Variants in CDKN2B-AS1 observed in about 807,000 individuals in gnomAD.
The protein encoded by CDKN2B-AS1 is CDKN2B and CDKN2A antisense cis and trans regulatory RNA 1, also known as CDKN2B antisense RNA 1 (non-protein coding).
chr9:22,117,130 T>C (rs72654258), intron 4 of CDKN2B-AS1, among the ~76,000 whole-genome samples: 1 of 152,230 alleles, frequency 6.6e-6, no homozygotes, highest in Non-Finnish European at 1.5e-5. Context: ...TTGGAAAATG[T>C]CTTGGGTGTT....
intron 4 of CDKN2B-AS1, among the ~76,000 whole-genome samples, chr9:22,098,301 A>G (rs1825358816): frequency 6.6e-6 from 1 of 151,542 alleles, no homozygotes; most frequent in African/African-American, 2.4e-5. Context: ...TATATATAGT[A>G]AAAAAGAGGG....
At chr9:21,998,238 T>C (rs963260917) in intron 1 of CDKN2B-AS1, among the ~76,000 whole-genome samples, 1 of 152,232 alleles carries the variant, frequency 6.6e-6, no homozygotes, top group African/African-American at 2.4e-5. Flanking sequence ...AATGGGTATG[T>C]GGTATTCCAA....
At position 22,060,964 on chromosome 9, in the gene CDKN2B-AS1, G is replaced by A. The variant is rs950929813; in HGVS notation, n.438+4577G>A. Among the ~76,000 whole-genome samples the A allele has an allele frequency of 3.9e-5, 6 of 152,108 alleles. No homozygotes were observed. The South Asian group carries it at 1.0e-3, about 26-fold the overall frequency. On this transcript the variant is annotated intron_variant and non_coding_transcript_variant, in intron 4 of 4. Coordinates refer to ENST00000650946, the Ensembl canonical transcript of CDKN2B-AS1. The stretch of plus-strand genomic sequence containing the variant: ...CCTCCCACAAAATGTGGGAATTCTG[G>A]GAGATACAATTCAAGTTGAGATTTG...
At chr9:22,029,391 G>T in intron 1 of CDKN2B-AS1, 1 of 778,712 alleles carries the variant, frequency 1.3e-6, no homozygotes, top group South Asian at 1.3e-5. Context: ...TAATCACATA[G>T]AGACTTGTCT....
chr9:22,035,832 T>C (rs1358969935), intron 1 of CDKN2B-AS1, among the ~76,000 whole-genome samples: 1 of 152,158 alleles, frequency 6.6e-6, no homozygotes. Context: ...GAAGAGGCCA[T>C]GATCACATCT....
rs187780547 is a variant in CDKN2B-AS1, at chr9:22,043,329, G to A, written n.30-3422G>A. On this transcript the variant is annotated intron_variant and non_coding_transcript_variant, in intron 1 of 4. Transcript: ENST00000650946. ...TTTTCTACGGTAAGAAACATATGATGTTGAATAAGGTATGAATTACAAATT... is the reference window on the plus strand; with the variant it reads ...TTTTCTACGGTAAGAAACATATGATATTGAATAAGGTATGAATTACAAATT... 3.3e-5 allele frequency among the ~76,000 whole-genome samples: 5 copies of A among 152,068 alleles called. No individual in the cohort carries two copies. In the East Asian group the frequency reaches 7.7e-4, roughly 24 times the overall value.
intron 4 of CDKN2B-AS1, among the ~76,000 whole-genome samples, chr9:22,088,225 C>T (rs570702205): frequency 2.0e-5 from 3 of 152,114 alleles, no homozygotes; most frequent in Non-Finnish European, 4.4e-5. Context: ...GAGCAATCAG[C>T]CTTCGATTGC....
chr9:22,076,317 G>A (rs534441836), intron 4 of CDKN2B-AS1, among the ~76,000 whole-genome samples: 4 of 152,242 alleles, frequency 2.6e-5, no homozygotes, highest in African/African-American at 9.6e-5. Flanking sequence ...GCCTCCCAAA[G>A]TGTGGGATTA....
intron 2 of CDKN2B-AS1, chr9:22,049,073 T>C (rs1221427557): frequency 3.9e-5 from 6 of 152,206 alleles, no homozygotes; most frequent in African/African-American, 1.4e-4. Context: ...TAATATCTAA[T>C]GACTAGGCTA....
At chr9:22,018,386 G>A (rs375593595) in intron 1 of CDKN2B-AS1, among the ~76,000 whole-genome samples, 1 of 144,700 alleles carries the variant, frequency 6.9e-6, no homozygotes, top group African/African-American at 2.6e-5. Flanking sequence ...GGCCGCGCAT[G>A]GTGGCTCACG....
intron 4 of CDKN2B-AS1, among the ~76,000 whole-genome samples, chr9:22,125,982 A>C (rs913454524): frequency 1.1e-4 from 17 of 152,174 alleles, no homozygotes; most frequent in African/African-American, 4.1e-4. Context: ...TTCAGAAAAA[A>C]CTACTTACAG....
At chr9:22,099,978 G>T (rs1010266006) in intron 4 of CDKN2B-AS1, among the ~76,000 whole-genome samples, 14 of 152,074 alleles carry the variant, frequency 9.2e-5, no homozygotes, top group Admixed American at 3.3e-4. Flanking sequence ...TTGTACATTT[G>T]ATAGTTTGAA....
At chr9:22,065,363 G>A (rs1823993827) in intron 4 of CDKN2B-AS1, among the ~76,000 whole-genome samples, 1 of 152,112 alleles carries the variant, frequency 6.6e-6, no homozygotes, top group Non-Finnish European at 1.5e-5. Context: ...AGTTTTCCAG[G>A]TCTCCCTTGA....
At chr9:22,021,238 G>A (rs540956617) in intron 1 of CDKN2B-AS1, among the ~76,000 whole-genome samples, 119 of 151,348 alleles carry the variant, frequency 7.9e-4, no homozygotes, top group African/African-American at 2.8e-3. Flanking sequence ...GTCTGTGTCT[G>A]CTTTTTTTTA....
chr9:22,012,472 T>G, intron 1 of CDKN2B-AS1: 1 of 691,356 alleles, frequency 1.4e-6, no homozygotes, highest in Non-Finnish European at 2.7e-6. Flanking sequence ...TGCACCCCTA[T>G]GCTGTCAATT....
chr9:22,054,670 TTTTTTA>T (rs1563950016), intron 3 of CDKN2B-AS1, among the ~76,000 whole-genome samples: 1 of 151,134 alleles, frequency 6.6e-6, no homozygotes, highest in Non-Finnish European at 1.5e-5. Context: ...TCTTTCAGCT[TTTTTTA>T]TTTTTATTTT....
chr9:22,029,209 G>A (rs1822365489), intron 1 of CDKN2B-AS1, among the ~76,000 whole-genome samples: 1 of 152,150 alleles, frequency 6.6e-6, no homozygotes, highest in African/African-American at 2.4e-5. Flanking sequence ...CAGTGGTTGA[G>A]AAACAGAATA....
At chr9:22,018,880 T>G (rs1821901536) in intron 1 of CDKN2B-AS1, among the ~76,000 whole-genome samples, 1 of 152,326 alleles carries the variant, frequency 6.6e-6, no homozygotes, top group African/African-American at 2.4e-5. Context: ...GATAAACAAT[T>G]CAGAGAGTAT....
intron 4 of CDKN2B-AS1, chr9:22,117,843 C>T (rs1217495906): frequency 6.6e-6 from 1 of 152,266 alleles, no homozygotes; most frequent in African/African-American, 2.4e-5. Context: ...CAAGTTCAAA[C>T]CTTTGAAAAA....
Sources: allele counts gnomAD v4.1 joint callset (sites outside exome capture counted in the v4.1 genomes callset), GRCh38; gene constraint gnomAD v4.1.1; transcripts MANE v1.5; gene names NCBI Gene and HGNC (gene_info 2026-07-23, HGNC 2026-07-21).